The following COL13A1 variants were observed in gnomAD, a reference collection of about 807,000 sequenced individuals.
The protein encoded by COL13A1 is collagen type XIII alpha 1 chain.
In COL13A1, 89 loss-of-function variants were observed where a neutral mutation model predicts 130.9. The observed-to-expected ratio is 0.68, with a 90% CI of 0.57 to 0.81. The LOEUF is 0.81. Ranked by LOEUF, COL13A1 falls within the 30% of genes least tolerant of loss-of-function variation. The pLI is 0.00. For missense variants in COL13A1, 879 were observed against 934.6 expected, an observed-to-expected ratio of 0.94 and a Z score of 0.78; for synonymous variants, 402 against 341.6, an observed-to-expected ratio of 1.18 and a Z score of -1.95.
chr10:69,804,218 C>T (rs894629797), intron 1 of COL13A1, among the ~76,000 whole-genome samples: 1 of 151,730 alleles, frequency 6.6e-6, no homozygotes, highest in Non-Finnish European at 1.5e-5. Flanking sequence ...GCAGTGAGAG[C>T]TCCTCCAGGT....
At chr10:69,909,974 C>T (rs1289800059) in intron 17 of COL13A1, among the ~76,000 whole-genome samples, 2 of 152,214 alleles carry the variant, frequency 1.3e-5, no homozygotes, top group Non-Finnish European at 2.9e-5. Context: ...GAAACCAGGC[C>T]TCATCAAGCC....
In COL13A1 at chr10:69,932,131, G is replaced by A. The variant is rs1043517382; in HGVS notation, c.1684-429G>A. ...AGGCCAGCAGTAGGGTCTCTCTAGT[G>A]TCTAGTGCTAGCAAGACAGAGCTGT... On this transcript the variant is annotated intron_variant, in intron 30 of 40. Coordinates refer to ENST00000645393, the MANE Select transcript of COL13A1 (RefSeq NM_001368882.1). 2.6e-5 allele frequency among the ~76,000 whole-genome samples: 4 copies of A among 152,040 alleles called. No individual in the cohort carries two copies. In the South Asian group the frequency reaches 8.3e-4, roughly 32 times the overall value.
chr10:69,909,389 C>T (rs1256661754), intron 17 of COL13A1, among the ~76,000 whole-genome samples: 5 of 152,208 alleles, frequency 3.3e-5, no homozygotes, highest in East Asian at 1.9e-4. Flanking sequence ...GCCCCATCAC[C>T]GCCTCTCTGG....
rs372393034 is a variant in COL13A1, at chr10:69,945,690, G to C, written c.1988G>C (p.Gly663Ala). 4 of 1,613,084 alleles carry C rather than the reference G, an allele frequency of 2.5e-6. No homozygotes were observed. The highest frequency in any genetic ancestry group is 3.4e-6 in the Non-Finnish European group (4 of 1,179,578). Residue 663 changes from glycine to alanine, a missense_variant, in exon 37 of 41, where the codon GGG becomes GCG. Coordinates refer to ENST00000645393, the MANE Select transcript of COL13A1 (RefSeq NM_001368882.1). ...KGERGSKGDP[G>A]MTGPTGAAGL... ...TTTCAGGGCAGCAAAGGAGACCCTG[G>C]GATGACAGGACCAACGGGAGCAGCT...
In COL13A1 at chr10:69,803,812, C is replaced by A. The variant is rs1461221345; in HGVS notation, c.294+1095C>A. Among the ~76,000 whole-genome samples, 3 of 151,968 alleles carry A rather than the reference C, an allele frequency of 2.0e-5. No homozygotes were observed. The South Asian group carries it at 6.2e-4, about 32-fold the overall frequency. On this transcript the variant is annotated intron_variant, in intron 1 of 40. Coordinates refer to ENST00000645393, the MANE Select transcript of COL13A1 (RefSeq NM_001368882.1). ...AAACGCTCCAACCCCTCTGAACATGCGAAACAGTGCTGATGTAGCAAACAC... is the reference window on the plus strand; with the variant it reads ...AAACGCTCCAACCCCTCTGAACATGAGAAACAGTGCTGATGTAGCAAACAC...
intron 14 of COL13A1, among the ~76,000 whole-genome samples, chr10:69,902,480 C>A (rs569057652): frequency 3.9e-5 from 6 of 152,190 alleles, no homozygotes; most frequent in Non-Finnish European, 8.8e-5. Flanking sequence ...TCTGCCCCCC[C>A]GCAGAATGTC....
At chr10:69,889,294 A>C in intron 9 of COL13A1, 120 bp from the exon 10 acceptor site, 1 of 1,266,526 alleles carries the variant, frequency 7.9e-7, no homozygotes, top group Non-Finnish European at 1.1e-6. Flanking sequence ...AGCACAGGGG[A>C]CAGGGAGGAG....
At chr10:69,913,220 AC>A (rs2063564908) in intron 17 of COL13A1, among the ~76,000 whole-genome samples, 1 of 152,156 alleles carries the variant, frequency 6.6e-6, no homozygotes, top group African/African-American at 2.4e-5. Flanking sequence ...TTCTGCCATC[AC>A]ACCATGCACG....
chr10:69,843,206 C>T (rs1038162338), intron 2 of COL13A1, among the ~76,000 whole-genome samples: 8 of 150,798 alleles, frequency 5.3e-5, no homozygotes, highest in African/African-American at 9.6e-5. Flanking sequence ...TGGAGGCCAT[C>T]GGCCCACATG....
chr10:69,834,944 C>T (rs1849664240), intron 2 of COL13A1, among the ~76,000 whole-genome samples: 1 of 152,178 alleles, frequency 6.6e-6, no homozygotes, highest in South Asian at 2.1e-4. Context: ...AGGGAAGTGG[C>T]CTTACCTGTA....
Position 69,918,317 on chromosome 10 carries a change from G to A in COL13A1, c.999G>A (p.Lys333=). Residue 333 remains lysine (K), a splice_region_variant and synonymous_variant, in exon 19 of 41, where the codon AAG becomes AAA. Transcript: ENST00000645393. ...GAPGIAVAGM[K]GEPGIPGTKG... ...CCGGAATTGCCGTGGCTGGGATGAA[G>A]GTCAGTGGACTGTTGTAACCAACAC... 6.2e-7 allele frequency: 1 copy of A among 1,613,142 alleles called. No homozygotes were observed. The highest frequency in any genetic ancestry group is 8.5e-7 in the Non-Finnish European group (1 of 1,179,538).
intron 17 of COL13A1, among the ~76,000 whole-genome samples, chr10:69,914,390 G>C (rs922449226): frequency 6.6e-6 from 1 of 152,156 alleles, no homozygotes; most frequent in African/African-American, 2.4e-5. Context: ...GAAAGGGCTG[G>C]GGTGGGTGGG....
intron 38 of COL13A1, among the ~76,000 whole-genome samples, chr10:69,949,044 C>G (rs1430654902): frequency 6.6e-6 from 1 of 152,206 alleles, no homozygotes; most frequent in African/African-American, 2.4e-5. Flanking sequence ...TTTGAGCACA[C>G]CATAAAGAGC....
chr10:69,936,692 G>A, intron 32 of COL13A1, 64 bp from the exon 33 acceptor site: 1 of 1,593,114 alleles, frequency 6.3e-7, no homozygotes, highest in Non-Finnish European at 8.6e-7. Context: ...ATCCATTTGT[G>A]GACTAGGCAG....
chr10:69,864,818 G>A (rs145231024), intron 2 of COL13A1, among the ~76,000 whole-genome samples: 27 of 152,306 alleles, frequency 1.8e-4, no homozygotes, highest in East Asian at 7.7e-4. Context: ...GAGGCAGTGC[G>A]TGACAGACAT....
intron 38 of COL13A1, among the ~76,000 whole-genome samples, chr10:69,948,275 T>C (rs968159759): frequency 6.6e-6 from 1 of 152,230 alleles, no homozygotes; most frequent in African/African-American, 2.4e-5. Flanking sequence ...CTTTGCACAC[T>C]GATACCATGT....
chr10:69,922,671 C>A, intron 22 of COL13A1, 37 bp from the exon 23 acceptor site: 1 of 1,540,746 alleles, frequency 6.5e-7, no homozygotes, highest in Non-Finnish European at 8.8e-7. Flanking sequence ...AGACCTTCCT[C>A]CACACCAGGG....
At position 69,944,222 on chromosome 10, in the gene COL13A1, G is replaced by A. The variant is rs777565497; in HGVS notation, c.1968+44G>A. 8.4e-6 allele frequency: 13 copies of A among 1,541,600 alleles called. No individual in the cohort carries two copies. The South Asian group carries it at 1.3e-4, about 16-fold the overall frequency. ...GGGGCCTGGGCGGCCAGGAGGGAGAGGCATGCCTGGGACCCAACACCAGGG... is the reference window on the plus strand; with the variant it reads ...GGGGCCTGGGCGGCCAGGAGGGAGAAGCATGCCTGGGACCCAACACCAGGG... On this transcript the variant is annotated intron_variant, in intron 36 of 40. Coordinates refer to ENST00000645393, the MANE Select transcript of COL13A1 (RefSeq NM_001368882.1).
At chr10:69,932,399 G>T (rs775624882) in intron 30 of COL13A1, among the ~76,000 whole-genome samples, 161 bp from the exon 31 acceptor site, 1 of 152,174 alleles carries the variant, frequency 6.6e-6, no homozygotes, top group Non-Finnish European at 1.5e-5. Flanking sequence ...TAGAGCCTCA[G>T]ATTCTGTCCT....
Sources: allele counts gnomAD v4.1 joint callset (sites outside exome capture counted in the v4.1 genomes callset), GRCh38; gene constraint gnomAD v4.1.1; transcripts MANE v1.5; gene names NCBI Gene and HGNC (gene_info 2026-07-23, HGNC 2026-07-21).